RALYL: variants seen among roughly 807,000 people sequenced by gnomAD.
The protein encoded by RALYL is RALY RNA binding protein like, also known as RNA-binding Raly-like protein.
Under a neutral mutation model 35.1 loss-of-function variants are expected in RALYL, and 29 were observed. That is an observed-to-expected ratio of 0.83 (90% CI 0.61 to 1.13). The LOEUF is 1.13. Among genes scored for constraint, RALYL ranks in the 50% most tolerant of loss-of-function variants. The probability of loss-of-function intolerance (pLI) is 0.00; values close to 1 mark genes in which losing one functional copy is unlikely to be tolerated. For missense variants in RALYL, 359 were observed against 360.4 expected (o/e 1.00, Z 0.03); for synonymous variants, 120 against 127.6 (o/e 0.94, Z 0.40).
chr8:84,212,912 ATAAG>A (rs1296687465), intron 1 of RALYL, among the ~76,000 whole-genome samples: 1 of 152,230 alleles, frequency 6.6e-6, no homozygotes, highest in East Asian at 1.9e-4. Context: ...TCAGTCATAA[ATAAG>A]TAATACAATA....
chr8:84,453,721 T>G, intron 1 of RALYL, among the ~76,000 whole-genome samples: 1 of 152,032 alleles, frequency 6.6e-6, no homozygotes, highest in East Asian at 1.9e-4. Context: ...TGAACATCTC[T>G]TATTCAGAAA....
chr8:84,793,392 T>C (rs1292628307), intron 3 of RALYL, among the ~76,000 whole-genome samples: 1 of 152,216 alleles, frequency 6.6e-6, no homozygotes, highest in Non-Finnish European at 1.5e-5. Context: ...GGTCAACTGC[T>C]CTTCAAAGTT....
At chr8:84,500,562 G>A (rs2056543436) in intron 1 of RALYL, among the ~76,000 whole-genome samples, 1 of 152,028 alleles carries the variant, frequency 6.6e-6, no homozygotes, top group Admixed American at 6.6e-5. Flanking sequence ...GCTTGTCTTT[G>A]TCTCCAGTCT....
intron 1 of RALYL, among the ~76,000 whole-genome samples, chr8:84,499,881 A>G (rs1387378767): frequency 1.3e-5 from 2 of 152,042 alleles, no homozygotes; most frequent in East Asian, 3.9e-4. Flanking sequence ...CAGCCTCCAG[A>G]TTAGCTGAGA....
chr8:84,623,619 G>C (rs1314567673), intron 2 of RALYL, among the ~76,000 whole-genome samples: 6 of 152,004 alleles, frequency 3.9e-5, no homozygotes, highest in Non-Finnish European at 7.4e-5. Context: ...GAGAGTATGA[G>C]ATGAGAACAT....
rs561003029 is a variant in RALYL, at chr8:84,348,500, G to A, written c.-24+164076G>A. Among the ~76,000 whole-genome samples, 4 of 152,096 alleles carry A rather than the reference G, an allele frequency of 2.6e-5. No individual in the cohort carries two copies. In the East Asian group the frequency reaches 7.8e-4, roughly 30 times the overall value. ...CCATCAGCATCACTTTACAAAGTGG[G>A]TTATTTTACCCAGCCAGTTGTCCAT... On this transcript the variant is annotated intron_variant, in intron 1 of 8. Coordinates refer to ENST00000521268, the MANE Select transcript of RALYL (RefSeq NM_173848.7).
At chr8:84,735,237 A>G (rs1029362512) in intron 2 of RALYL, among the ~76,000 whole-genome samples, 1 of 151,940 alleles carries the variant, frequency 6.6e-6, no homozygotes, top group African/African-American at 2.4e-5. Flanking sequence ...TACTGTTCCA[A>G]GTTCTTCATG....
intron 2 of RALYL, among the ~76,000 whole-genome samples, chr8:84,604,971 CAAACA>C (rs1265399838): frequency 7.2e-6 from 1 of 137,964 alleles, no homozygotes; most frequent in Non-Finnish European, 1.6e-5. Flanking sequence ...TTCTGTTCTT[CAAACA>C]ATTCTACTTG....
chr8:84,531,908 T>C (rs2059301926), intron 2 of RALYL, among the ~76,000 whole-genome samples: 2 of 152,124 alleles, frequency 1.3e-5, no homozygotes, highest in South Asian at 2.1e-4. Flanking sequence ...AAAAAAATGA[T>C]GACACCAAAT....
intron 1 of RALYL, among the ~76,000 whole-genome samples, chr8:84,323,952 C>T (rs566312570): frequency 6.6e-6 from 1 of 152,110 alleles, no homozygotes; most frequent in East Asian, 1.9e-4. Context: ...ATATAATTAT[C>T]CTTTAAATGT....
At chr8:84,760,438 A>T (rs957903176) in intron 2 of RALYL, among the ~76,000 whole-genome samples, 2 of 152,084 alleles carry the variant, frequency 1.3e-5, no homozygotes, top group African/African-American at 4.8e-5. Context: ...CATTTTATAA[A>T]TATTTTATGT....
At chr8:84,570,325 GT>G (rs140779480) in intron 2 of RALYL, among the ~76,000 whole-genome samples, 4,552 of 145,858 alleles carry the variant, frequency 0.031, 215 homozygotes, top group African/African-American at 0.11. Context: ...ATTCTAAATT[GT>G]TTTTTTTTTC....
At chr8:84,812,183 C>G (rs991236565) in intron 4 of RALYL, among the ~76,000 whole-genome samples, 1 of 152,144 alleles carries the variant, frequency 6.6e-6, no homozygotes, top group Non-Finnish European at 1.5e-5. Flanking sequence ...TTTTGTCCCA[C>G]AGGGAGTTCT....
intron 1 of RALYL, among the ~76,000 whole-genome samples, chr8:84,253,947 T>C (rs528922383): frequency 6.6e-6 from 1 of 152,290 alleles, no homozygotes; most frequent in East Asian, 1.9e-4. Context: ...GAAACTGGTG[T>C]TGCTGAATAG....
At chr8:84,890,375 A>G (rs1427064) in intron 8 of RALYL, among the ~76,000 whole-genome samples, 54,290 of 152,046 alleles carry the variant, frequency 0.36, 10,272 homozygotes, top group East Asian at 0.72. Context: ...GATGGGCACT[A>G]TCACAGATTT....
intron 1 of RALYL, among the ~76,000 whole-genome samples, chr8:84,386,911 C>T (rs1859336410): frequency 6.6e-6 from 1 of 151,798 alleles, no homozygotes; most frequent in Non-Finnish European, 1.5e-5. Flanking sequence ...TTGTTGGGCC[C>T]AATCCTCTGG....
intron 1 of RALYL, among the ~76,000 whole-genome samples, chr8:84,444,949 G>A (rs1046804449): frequency 2.6e-5 from 4 of 152,030 alleles, no homozygotes; most frequent in Non-Finnish European, 4.4e-5. Flanking sequence ...GAAAATCAAT[G>A]CTTAGACAGT....
intron 2 of RALYL, among the ~76,000 whole-genome samples, chr8:84,574,230 C>G (rs1360484150): frequency 6.6e-6 from 1 of 151,982 alleles, no homozygotes; most frequent in Non-Finnish European, 1.5e-5. Flanking sequence ...AATGTCTTTC[C>G]TTAATTCCTT....
chr8:84,886,517 T>C (rs958208512), intron 7 of RALYL, among the ~76,000 whole-genome samples: 1 of 151,482 alleles, frequency 6.6e-6, no homozygotes, highest in Admixed American at 6.6e-5. Context: ...AAAGGATAGA[T>C]TAATCATCTG....
Sources: gnomAD v4.1 joint callset for allele counts (sites outside exome capture counted in the v4.1 genomes callset) on GRCh38, gnomAD v4.1.1 for gene constraint, MANE v1.5 for transcripts, NCBI Gene and HGNC (gene_info 2026-07-23, HGNC 2026-07-21) for gene names.